Variants in ADCY2 observed in about 807,000 individuals in gnomAD.
ADCY2 encodes the protein adenylate cyclase type 2.
A neutral mutation model predicts 125.2 loss-of-function variants in ADCY2; 31 were observed. The ratio of observed to expected loss-of-function variants is 0.25; its 90% CI spans 0.19 to 0.33. The LOEUF is 0.33. Among genes scored for constraint, ADCY2 ranks in the 10% least tolerant of loss-of-function variants. The pLI is 1.00. For missense variants in ADCY2, 904 were observed against 1,418.2 expected (o/e 0.64, Z 5.82); for synonymous variants, 512 against 548.4 (o/e 0.93, Z 0.93).
In ADCY2 at chr5:7,531,569, T is replaced by C. The variant is rs187399570; in HGVS notation, c.570+10670T>C. 2.0e-3 allele frequency among the ~76,000 whole-genome samples: 298 copies of C among 151,808 alleles called. 1 individual carries two copies. Among genetic ancestry groups the C allele is most frequent in the African/African-American group, 6.8e-3 (278 of 41,086 alleles). ...CAGGGGTGGTTCCCTCTGGAGGTTA[T>C]GAGGGAGACTGCTTTTATGCCTCTC... On this transcript the variant is annotated intron_variant, in intron 3 of 24. Coordinates refer to ENST00000338316, the MANE Select transcript of ADCY2 (RefSeq NM_020546.3).
intron 2 of ADCY2, among the ~76,000 whole-genome samples, chr5:7,475,787 A>G (rs1412631364): frequency 6.6e-6 from 1 of 152,078 alleles, no homozygotes; most frequent in East Asian, 1.9e-4. Flanking sequence ...AGAAGCCTGC[A>G]CTCCTTTCCG....
intron 2 of ADCY2, among the ~76,000 whole-genome samples, chr5:7,507,461 A>AAAAAAAAAAAAAAAAT (rs374187517): frequency 2.4e-4 from 27 of 114,086 alleles, no homozygotes; most frequent in African/African-American, 4.3e-4. Context: ...AAAAAAAAAA[A>AAAAAAAAAAAAAAAAT]GGTAACAAAG....
intron 2 of ADCY2, among the ~76,000 whole-genome samples, chr5:7,466,779 G>A (rs1275744725): frequency 1.3e-5 from 2 of 151,892 alleles, no homozygotes; most frequent in Non-Finnish European, 2.9e-5. Flanking sequence ...TTTCAGGAAT[G>A]AAAAAAAATA....
chr5:7,624,935 G>A (rs1289213861), intron 3 of ADCY2, among the ~76,000 whole-genome samples: 1 of 152,190 alleles, frequency 6.6e-6, no homozygotes, highest in East Asian at 1.9e-4. Flanking sequence ...TAGACCTGTA[G>A]GTCTTGCCAT....
intron 18 of ADCY2, among the ~76,000 whole-genome samples, chr5:7,779,264 T>A (rs1316498966): frequency 1.3e-5 from 2 of 152,246 alleles, no homozygotes. Flanking sequence ...ACAGAAAATG[T>A]CCTGTGGTTT....
intron 3 of ADCY2, among the ~76,000 whole-genome samples, chr5:7,536,641 A>C (rs1734822492): frequency 6.6e-6 from 1 of 152,140 alleles, no homozygotes; most frequent in Non-Finnish European, 1.5e-5. Flanking sequence ...CTGTATATCA[A>C]AACCCATTCT....
Position 7,626,205 on chromosome 5 carries a change from G to T in ADCY2, c.609G>T (p.Leu203=). The T allele has an allele frequency of 6.2e-7, 1 of 1,614,106 alleles. No homozygotes were observed. The highest frequency in any genetic ancestry group is 1.1e-5 in the South Asian group (1 of 91,076). The change falls in exon 4 of 25, where the codon CTG becomes CTT. Residue 203 remains leucine (L), a synonymous_variant. Coordinates refer to ENST00000338316, the MANE Select transcript of ADCY2 (RefSeq NM_020546.3). ...ANVIIFICGN[L]AGAYHKHLME... is the part of the protein sequence containing the mutation. ...TGATCATTTTCATCTGTGGGAACCT[G>T]GCGGGAGCCTACCATAAGCACCTCA...
At position 7,674,726 on chromosome 5, in the gene ADCY2, C is replaced by G. The variant is rs1010504569; in HGVS notation, c.721-15965C>G. 3.4e-4 allele frequency among the ~76,000 whole-genome samples: 52 copies of G among 152,176 alleles called. 1 individual carries two copies. Among genetic ancestry groups the G allele is most frequent in the African/African-American group, 1.2e-3 (51 of 41,442 alleles). On this transcript the variant is annotated intron_variant, in intron 4 of 24. Transcript: ENST00000338316. ...GGTGGGGAGGGTTAAAAGTCAAGCA[C>G]ACCTCCATCTTATGCTTAGCTCTGG...
chr5:7,776,568 G>A (rs546626918), intron 18 of ADCY2, among the ~76,000 whole-genome samples: 1 of 152,256 alleles, frequency 6.6e-6, no homozygotes, highest in African/African-American at 2.4e-5. Flanking sequence ...AATGTTAGAT[G>A]TCAACATGAT....
intron 15 of ADCY2, among the ~76,000 whole-genome samples, chr5:7,756,161 C>T (rs186060857): frequency 9.9e-4 from 151 of 152,340 alleles, no homozygotes; most frequent in African/African-American, 3.4e-3. Context: ...ATTATGCCCA[C>T]GCAGCATCTG....
intron 8 of ADCY2, 34 bp from the exon 9 acceptor site, chr5:7,707,672 A>G (rs1338660053): frequency 1.2e-6 from 2 of 1,609,184 alleles, no homozygotes; most frequent in Non-Finnish European, 1.7e-6. Flanking sequence ...TTATCCTTTT[A>G]TGTCTTGACT....
chr5:7,510,905 G>A (rs1744030720), intron 2 of ADCY2, among the ~76,000 whole-genome samples: 1 of 152,234 alleles, frequency 6.6e-6, no homozygotes, highest in Admixed American at 6.5e-5. Context: ...GTTAAGATGA[G>A]CAGGGATAAA....
At chr5:7,677,282 A>G (rs1255846146) in intron 4 of ADCY2, among the ~76,000 whole-genome samples, 1 of 152,136 alleles carries the variant, frequency 6.6e-6, no homozygotes, top group Non-Finnish European at 1.5e-5. Flanking sequence ...CCATCTAGAA[A>G]AAACAAAAAC....
At chr5:7,432,226 T>C (rs1014148032) in intron 2 of ADCY2, among the ~76,000 whole-genome samples, 1 of 151,836 alleles carries the variant, frequency 6.6e-6, no homozygotes, top group Non-Finnish European at 1.5e-5. Flanking sequence ...CCACTTTCAT[T>C]GGCAATAAAA....
rs869287430 is a variant in ADCY2 at position 7,418,647 on chromosome 5, G to GTTTTTTTTTTTTTTTTTTT, written c.408+3885_408+3903dup. Among the ~76,000 whole-genome samples, 35 of 73,764 alleles carry GTTTTTTTTTTTTTTTTTTT rather than the reference G, an allele frequency of 4.7e-4. 4 individuals are homozygous for GTTTTTTTTTTTTTTTTTTT. The highest frequency in any genetic ancestry group is 6.5e-4 in the Non-Finnish European group (25 of 38,668). The allele number at this position is 73,764 out of a possible 152,430, so 48.4% of individuals were successfully genotyped here. ...AATTAAAAACAAAAGTCTACCTTCT[G>GTTTTTTTTTTTTTTTTTTT]TTTTTTTTTTTTTTTTTTTTTTTTT... On this transcript the variant is annotated intron_variant, in intron 2 of 24. Coordinates refer to ENST00000338316, the MANE Select transcript of ADCY2 (RefSeq NM_020546.3).
At chr5:7,647,598 C>T (rs924538193) in intron 4 of ADCY2, among the ~76,000 whole-genome samples, 1 of 152,118 alleles carries the variant, frequency 6.6e-6, no homozygotes, top group Admixed American at 6.6e-5. Context: ...CCAAAGGAAG[C>T]TTTTGGAAAT....
chr5:7,697,275 G>T (rs765814932), intron 6 of ADCY2, among the ~76,000 whole-genome samples: 5 of 152,218 alleles, frequency 3.3e-5, no homozygotes, highest in South Asian at 4.1e-4. Context: ...TACTCAACGT[G>T]ACTTCCTCTA....
chr5:7,599,933 A>G (rs1326680558), intron 3 of ADCY2, among the ~76,000 whole-genome samples: 2 of 152,196 alleles, frequency 1.3e-5, no homozygotes, highest in East Asian at 1.9e-4. Context: ...TCGTGCATAT[A>G]AAGGAATCCC....
Position 7,689,869 on chromosome 5 carries a change from A to G in ADCY2, c.721-822A>G, listed in dbSNP as rs192656731. Among the ~76,000 whole-genome samples, 12 of 152,328 alleles carry G rather than the reference A, an allele frequency of 7.9e-5. No homozygotes were observed. In the East Asian group the frequency reaches 1.2e-3, roughly 15 times the overall value. On this transcript the variant is annotated intron_variant, in intron 4 of 24. Transcript: ENST00000338316. ...ATGATGCTTTCTAAAATGGATTAAC[A>G]TTAAAATTCTCCAGGATGGATATAT...
Sources: gnomAD v4.1 joint callset for allele counts (sites outside exome capture counted in the v4.1 genomes callset) on GRCh38, gnomAD v4.1.1 for gene constraint, MANE v1.5 for transcripts, NCBI Gene and HGNC (gene_info 2026-07-23, HGNC 2026-07-21) for gene names.